Variants in KLHL1 observed in about 807,000 individuals in gnomAD.
The protein encoded by KLHL1 is kelch like family member 1, also known as kelch-like protein 1.
KLHL1 carries 47 observed loss-of-function variants against 77.7 expected under a neutral mutation model. That is an observed-to-expected ratio of 0.60 (90% CI 0.48 to 0.77). The LOEUF (loss-of-function observed/expected upper bound fraction) is 0.77. Ranked by LOEUF, KLHL1 falls within the 30% of genes least tolerant of loss-of-function variation. KLHL1 has a pLI of 0.00. For missense variants in KLHL1, 925 were observed against 910.8 expected (o/e 1.02, Z -0.20); for synonymous variants, 360 against 325.2 (o/e 1.11, Z -1.15).
At chr13:69,918,364 T>C (rs1006817123) in intron 4 of KLHL1, among the ~76,000 whole-genome samples, 8 of 152,028 alleles carry the variant, frequency 5.3e-5, no homozygotes, top group Non-Finnish European at 1.0e-4. Flanking sequence ...GATTTTTTTA[T>C]TAAATACTAC....
intron 1 of KLHL1, among the ~76,000 whole-genome samples, chr13:70,073,321 C>T (rs1030024217): frequency 6.6e-6 from 1 of 152,024 alleles, no homozygotes; most frequent in African/African-American, 2.4e-5. Context: ...AAAAACCAAA[C>T]ACCACATGTT....
intron 1 of KLHL1, among the ~76,000 whole-genome samples, chr13:70,066,419 A>G (rs552523618): frequency 6.6e-6 from 1 of 152,328 alleles, no homozygotes; most frequent in South Asian, 2.1e-4. Flanking sequence ...TAGAGTGCAA[A>G]TAGAATAAAA....
chr13:69,720,918 A>C (rs9542044), intron 8 of KLHL1, among the ~76,000 whole-genome samples: 1 of 142,304 alleles, frequency 7.0e-6, no homozygotes, highest in Non-Finnish European at 1.5e-5. Context: ...GAATATGATT[A>C]GTTTGTGTTT....
chr13:69,915,316 G>C (rs1882389239), intron 4 of KLHL1, among the ~76,000 whole-genome samples: 1 of 152,154 alleles, frequency 6.6e-6, no homozygotes, highest in Non-Finnish European at 1.5e-5. Context: ...CAAAGCTGGA[G>C]GCATCAGGCT....
At position 69,939,378 on chromosome 13, in the gene KLHL1, T is replaced by TATATATATATATATACAC. The variant is rs1200160699; in HGVS notation, c.1014+661_1014+662insGTGTATATATATATATAT. On this transcript the variant is annotated intron_variant, in intron 4 of 10. Transcript: ENST00000377844. ...ATATATATATATATATATATATATA[T>TATATATATATATATACAC]ACACACACACACGCACACACATACA... 2.2e-3 allele frequency among the ~76,000 whole-genome samples: 157 copies of TATATATATATATATACAC among 70,638 alleles called. 1 individual carries two copies. Among genetic ancestry groups the TATATATATATATATACAC allele is most frequent in the African/African-American group, 3.1e-3 (49 of 15,708 alleles). 46.3% of individuals were successfully genotyped at this position (70,638 alleles called of 152,430 possible).
intron 8 of KLHL1, among the ~76,000 whole-genome samples, chr13:69,723,298 G>A (rs1345675855): frequency 6.6e-6 from 1 of 152,098 alleles, no homozygotes; most frequent in Non-Finnish European, 1.5e-5. Context: ...GCATTGCATA[G>A]TTTGAATAGC....
At chr13:69,737,111 A>G (rs978979720) in intron 8 of KLHL1, among the ~76,000 whole-genome samples, 3 of 152,132 alleles carry the variant, frequency 2.0e-5, no homozygotes, top group African/African-American at 7.2e-5. Context: ...TTTCCTAGCC[A>G]AAGAAGGCAG....
chr13:69,985,677 T>G (rs1013599088), intron 1 of KLHL1, among the ~76,000 whole-genome samples: 3 of 150,664 alleles, frequency 2.0e-5, no homozygotes, highest in Admixed American at 6.6e-5. Context: ...AAAATACATC[T>G]GCAACCCCAT....
Position 69,975,513 on chromosome 13 carries a change from AT to A in KLHL1, c.680+106del. ...CAACAACAACAAAAAACTTAAAAAA[AT>A]GTGAATCCTTATTTCTGTAGTCATA... On this transcript the variant is annotated intron_variant, in intron 2 of 10. Coordinates refer to ENST00000377844, the MANE Select transcript of KLHL1 (RefSeq NM_020866.3). 1.0e-5 allele frequency: 4 copies of A among 390,884 alleles called. No homozygotes were observed. The South Asian group carries it at 1.7e-4, about 16-fold the overall frequency. The allele number at this position is 390,884 out of a possible 1,614,324, so 24.2% of individuals were successfully genotyped here.
chr13:69,993,617 CT>C (rs1885079280), intron 1 of KLHL1, among the ~76,000 whole-genome samples: 1 of 152,130 alleles, frequency 6.6e-6, no homozygotes, highest in Non-Finnish European at 1.5e-5. Context: ...GCCATGCTGA[CT>C]GTGAATTCCA....
At chr13:69,994,800 T>C (rs774241973) in intron 1 of KLHL1, among the ~76,000 whole-genome samples, 1 of 152,096 alleles carries the variant, frequency 6.6e-6, no homozygotes, top group Non-Finnish European at 1.5e-5. Flanking sequence ...CCAGGAATAC[T>C]GTAGAGGAAA....
Position 69,956,027 on chromosome 13 carries a change from T to TTATATATATTTG in KLHL1, c.817+5280_817+5281insCAAATATATATA, listed in dbSNP as rs1566442879. 8.3e-4 allele frequency among the ~76,000 whole-genome samples: 85 copies of TTATATATATTTG among 102,364 alleles called. 1 individual carries two copies. In the South Asian group the frequency reaches 0.015, roughly 18 times the overall value. The allele number at this position is 102,364 out of a possible 152,430, so 67.2% of individuals were successfully genotyped here. On this transcript the variant is annotated intron_variant, in intron 3 of 10. Coordinates refer to ENST00000377844, the MANE Select transcript of KLHL1 (RefSeq NM_020866.3). Reference sequence around the variant, plus strand: ...TATTTATATATATTTGATATATATTTATATATATTTATATATATTTGATAT... The same window carrying TTATATATATTTG: ...TATTTATATATATTTGATATATATTTTATATATATTTGATATATATTTATATATATTTGATAT...
chr13:69,858,162 A>G (rs1027606556), intron 5 of KLHL1, among the ~76,000 whole-genome samples: 1 of 152,032 alleles, frequency 6.6e-6, no homozygotes, highest in Admixed American at 6.6e-5. Context: ...CATTTCAGCC[A>G]TGTCGTCCAG....
At chr13:70,015,823 T>C (rs1885643156) in intron 1 of KLHL1, among the ~76,000 whole-genome samples, 1 of 152,178 alleles carries the variant, frequency 6.6e-6, no homozygotes, top group African/African-American at 2.4e-5. Context: ...TCAAGGTATA[T>C]CTGTACAAAC....
chr13:70,028,913 G>T (rs1886021498), intron 1 of KLHL1, among the ~76,000 whole-genome samples: 2 of 151,496 alleles, frequency 1.3e-5, no homozygotes, highest in Admixed American at 6.6e-5. Flanking sequence ...GGAAGTAGTG[G>T]CTGCAGTGAG....
At chr13:69,757,892 G>A (rs534704009) in intron 7 of KLHL1, among the ~76,000 whole-genome samples, 15 of 147,708 alleles carry the variant, frequency 1.0e-4, no homozygotes, top group African/African-American at 3.8e-4. Context: ...AGGAGGCAGA[G>A]GTTGCAGTCA....
chr13:69,993,597 A>G (rs1455241908), intron 1 of KLHL1, among the ~76,000 whole-genome samples: 1 of 151,776 alleles, frequency 6.6e-6, no homozygotes, highest in Non-Finnish European at 1.5e-5. Context: ...CAACACAGTC[A>G]CTCCATGTTG....
chr13:70,077,336 G>A (rs1279737272), intron 1 of KLHL1, among the ~76,000 whole-genome samples: 1 of 151,820 alleles, frequency 6.6e-6, no homozygotes, highest in Non-Finnish European at 1.5e-5. Context: ...AATGTATACT[G>A]CTAAATGAAA....
chr13:69,971,478 A>G (rs1282426577), intron 2 of KLHL1, among the ~76,000 whole-genome samples: 1 of 152,060 alleles, frequency 6.6e-6, no homozygotes, highest in African/African-American at 2.4e-5. Flanking sequence ...TATTTCCAAT[A>G]TAAACTCTAT....
Sources: allele counts gnomAD v4.1 joint callset (sites outside exome capture counted in the v4.1 genomes callset), GRCh38; gene constraint gnomAD v4.1.1; transcripts MANE v1.5; gene names NCBI Gene and HGNC (gene_info 2026-07-23, HGNC 2026-07-21).